Variants in ZNF407 observed in about 807,000 individuals in gnomAD.
ZNF407 encodes the protein zinc finger protein 407.
In ZNF407, 17 loss-of-function variants were observed where a neutral mutation model predicts 131.2. The observed-to-expected ratio is 0.13, with a 90% confidence interval of 0.09 to 0.19. The LOEUF is 0.19. Among genes scored for constraint, ZNF407 ranks in the 10% least tolerant of loss-of-function variants. ZNF407 has a pLI of 1.00. For missense variants in ZNF407, 2,681 were observed against 2,830.6 expected, an observed-to-expected ratio of 0.95 and a Z score of 1.20; for synonymous variants, 1,156 against 1,062.0, an observed-to-expected ratio of 1.09 and a Z score of -1.72.
chr18:74,838,478 T>A (rs1292073406), intron 4 of ZNF407, among the ~76,000 whole-genome samples: 5 of 152,206 alleles, frequency 3.3e-5, no homozygotes, highest in African/African-American at 1.2e-4. Context: ...TCTTTTTCTT[T>A]TCTTCATTTC....
At chr18:74,960,140 G>A (rs994470505) in intron 8 of ZNF407, among the ~76,000 whole-genome samples, 1 of 152,216 alleles carries the variant, frequency 6.6e-6, no homozygotes, top group Non-Finnish European at 1.5e-5. Flanking sequence ...GCCTCTTTTT[G>A]GCACTTTTAG....
chr18:74,773,379 TAAA>T (rs1453565439), intron 3 of ZNF407, among the ~76,000 whole-genome samples: 3 of 139,912 alleles, frequency 2.1e-5, no homozygotes, highest in Non-Finnish European at 4.5e-5. Context: ...CTAGAGAGCT[TAAA>T]GAAGAAATTG....
Position 74,634,353 on chromosome 18 carries a change from T to G in ZNF407, c.3334T>G (p.Ser1112Ala). The G allele has an allele frequency of 6.2e-7, 1 of 1,613,894 alleles. No homozygotes were observed. The highest frequency in any genetic ancestry group is 8.5e-7 in the Non-Finnish European group (1 of 1,179,882). Residue 1112 changes from serine to alanine, a missense_variant, in exon 2 of 9, where the codon TCA (serine) becomes GCA (alanine). By Grantham distance (99) the Ser-to-Ala change is moderately conservative. Around this residue, in one of 6 missense-constraint regions of ZNF407, gnomAD observed 1,789 missense variants for 1,748.7 expected, o/e 1.02. Transcript: ENST00000299687. ...AAATTCTGAGGAATTTCAAATAATT[T>G]CAGGTCAACCATCTGATACTCTTAA... ...QQNSEEFQII[S>A]GQPSDTLKSR...
chr18:75,028,642 T>C (rs1973199742), intron 8 of ZNF407, among the ~76,000 whole-genome samples: 1 of 152,176 alleles, frequency 6.6e-6, no homozygotes, highest in African/African-American at 2.4e-5. Context: ...TGAACGTCAA[T>C]GTGCGGGAAT....
intron 1 of ZNF407, among the ~76,000 whole-genome samples, chr18:74,625,073 C>A (rs750250321): frequency 6.6e-6 from 1 of 152,102 alleles, no homozygotes; most frequent in Non-Finnish European, 1.5e-5. Context: ...ACTACAGTTC[C>A]TTTCATGTGG....
intron 4 of ZNF407, among the ~76,000 whole-genome samples, chr18:74,786,675 G>A (rs1334600136): frequency 6.6e-6 from 1 of 151,528 alleles, no homozygotes; most frequent in African/African-American, 2.4e-5. Context: ...TTTTGCATGA[G>A]CTGCGAACTC....
chr18:74,688,704 G>T (rs549638981), intron 3 of ZNF407, among the ~76,000 whole-genome samples: 10 of 152,200 alleles, frequency 6.6e-5, no homozygotes, highest in Admixed American at 5.9e-4. Context: ...TGAAAATGTT[G>T]TGTGAAGAAT....
chr18:74,599,556 A>G (rs1425462968), intron 1 of ZNF407, among the ~76,000 whole-genome samples: 1 of 152,228 alleles, frequency 6.6e-6, no homozygotes. Context: ...TTACTAAAAT[A>G]GAGATGTGGG....
At chr18:74,832,275 T>C (rs1455813698) in intron 4 of ZNF407, among the ~76,000 whole-genome samples, 1 of 152,160 alleles carries the variant, frequency 6.6e-6, no homozygotes, top group Non-Finnish European at 1.5e-5. Context: ...ACTCATGTGC[T>C]TTACTTCTCC....
At chr18:74,682,609 A>C (rs545520934) in intron 3 of ZNF407, among the ~76,000 whole-genome samples, 4 of 152,308 alleles carry the variant, frequency 2.6e-5, no homozygotes, top group Admixed American at 6.5e-5. Flanking sequence ...AGCTTACTGC[A>C]ACTGAGAATT....
At chr18:75,061,697 T>G (rs7232863) in intron 8 of ZNF407, 23,053 of 152,474 alleles carry the variant, frequency 0.15, 2,022 homozygotes, top group African/African-American at 0.24. Context: ...GTGCTCTGCC[T>G]GCCTGTCCTG....
intron 8 of ZNF407, among the ~76,000 whole-genome samples, chr18:75,023,231 T>C (rs1371358451): frequency 6.6e-6 from 1 of 152,120 alleles, no homozygotes; most frequent in Admixed American, 6.5e-5. Flanking sequence ...CTGGGCTTAA[T>C]ACACCATGTT....
intron 1 of ZNF407, among the ~76,000 whole-genome samples, chr18:74,619,774 T>G (rs1348010516): frequency 6.6e-6 from 1 of 152,254 alleles, no homozygotes; most frequent in Non-Finnish European, 1.5e-5. Flanking sequence ...ATACAGCCTG[T>G]TCTATTTGAT....
chr18:74,895,479 C>T (rs915805162), intron 7 of ZNF407, among the ~76,000 whole-genome samples: 1 of 152,032 alleles, frequency 6.6e-6, no homozygotes, highest in Non-Finnish European at 1.5e-5. Flanking sequence ...GCCAAACATA[C>T]TTTTAATTTA....
At chr18:74,880,720 T>C (rs992595213) in intron 5 of ZNF407, among the ~76,000 whole-genome samples, 2 of 152,154 alleles carry the variant, frequency 1.3e-5, no homozygotes, top group Non-Finnish European at 2.9e-5. Context: ...TTGTAAAATA[T>C]CAGGATATGC....
At chr18:74,673,593 G>A (rs779072259) in intron 3 of ZNF407, among the ~76,000 whole-genome samples, 31 of 152,158 alleles carry the variant, frequency 2.0e-4, no homozygotes, top group Non-Finnish European at 2.9e-4. Context: ...CTGTGATGTG[G>A]ACATCTTTGG....
At chr18:75,018,127 T>C (rs1208898851) in intron 8 of ZNF407, among the ~76,000 whole-genome samples, 2 of 152,170 alleles carry the variant, frequency 1.3e-5, no homozygotes, top group Non-Finnish European at 2.9e-5. Flanking sequence ...ATAGTTAATT[T>C]TGAAAAATTT....
intron 1 of ZNF407, among the ~76,000 whole-genome samples, chr18:74,618,508 A>T (rs1983403949): frequency 6.6e-6 from 1 of 152,116 alleles, no homozygotes; most frequent in African/African-American, 2.4e-5. Context: ...TCTGATGTTC[A>T]TTTGTGGAGT....
rs547208374 is a variant in ZNF407, at chr18:74,971,594, C to G, written c.5428+50902C>G. On this transcript the variant is annotated intron_variant, in intron 8 of 8. Coordinates refer to ENST00000299687, the MANE Select transcript of ZNF407 (RefSeq NM_017757.3). ...CTCCAGTTCTCAACAAGTTCCTCATCTCCATCTGAGACCAGCTCAGCTTGG... is the reference window on the plus strand; with the variant it reads ...CTCCAGTTCTCAACAAGTTCCTCATGTCCATCTGAGACCAGCTCAGCTTGG... 1.3e-4 allele frequency among the ~76,000 whole-genome samples: 20 copies of G among 152,346 alleles called. 1 individual carries two copies. In the South Asian group the frequency reaches 2.9e-3, roughly 22 times the overall value.
Sources: gnomAD v4.1 joint callset for allele counts (sites outside exome capture counted in the v4.1 genomes callset) on GRCh38, gnomAD v4.1.1 for gene constraint, gnomAD v4.1.1 regional missense constraint, MANE v1.5 for transcripts, NCBI Gene and HGNC (gene_info 2026-07-23, HGNC 2026-07-21) for gene names.